C16orf87: variants seen among roughly 807,000 people sequenced by gnomAD.
C16orf87 encodes the protein HDAC and MIER1 interacting protein 1, also known as UPF0547 protein C16orf87.
Under a neutral mutation model 21.0 loss-of-function variants are expected in C16orf87, and 13 were observed. That is an observed-to-expected ratio of 0.62 (90% CI 0.40 to 0.98). C16orf87 has a LOEUF of 0.98. C16orf87 is among the 50% of genes least tolerant of loss of function. C16orf87 has a pLI of 0.00. For missense variants in C16orf87, 113 were observed against 180.4 expected, an observed-to-expected ratio of 0.63 and a Z score of 2.14; for synonymous variants, 49 against 60.2, an observed-to-expected ratio of 0.81 and a Z score of 0.86.
chr16:46,831,001 G>A (rs910818786), intron 1 of C16orf87, 83 bp downstream of exon 1: 10 of 1,143,360 alleles, frequency 8.7e-6, no homozygotes, highest in Non-Finnish European at 1.1e-5. Context: ...CTCGGCCTCC[G>A]GGAGCCCGGC....
chr16:46,805,448 G>T (rs1260814784), intron 3 of C16orf87, among the ~76,000 whole-genome samples: 1 of 151,944 alleles, frequency 6.6e-6, no homozygotes, highest in Non-Finnish European at 1.5e-5. Flanking sequence ...CTGGCTTTTT[G>T]ACCTCTGCAA....
At position 46,799,587 on chromosome 16, in the gene C16orf87, G is replaced by GT. The variant is rs1967713686; in HGVS notation, c.*3364_*3365insA. The GT allele has an allele frequency of 6.6e-6, 1 of 152,334 alleles. No homozygotes were observed. Among genetic ancestry groups the GT allele is most frequent in the African/African-American group, 2.4e-5 (1 of 41,584 alleles). 9.4% of individuals were successfully genotyped at this position (152,334 alleles called of 1,614,324 possible). A position where few individuals can be genotyped will look rare whatever the true frequency, so the allele number is the denominator to read the frequency against. Reference sequence around the variant, plus strand: ...AAAGAATGACGGACAAAATGTTTTAGAGAAGAACACAATTTGGCAGAATGA... The same window carrying GT: ...AAAGAATGACGGACAAAATGTTTTAGTAGAAGAACACAATTTGGCAGAATGA... On this transcript the variant is annotated 3_prime_UTR_variant, in exon 4 of 4. Coordinates refer to ENST00000285697, the MANE Select transcript of C16orf87 (RefSeq NM_001001436.4).
At chr16:46,806,255 ATTTTTTTTTTTT>A (rs765265445) in intron 3 of C16orf87, among the ~76,000 whole-genome samples, 1 of 125,792 alleles carries the variant, frequency 7.9e-6, no homozygotes, top group South Asian at 2.5e-4. Context: ...GTCTACATTC[ATTTTTTTTTTTT>A]TTTTTTTTTG....
intron 1 of C16orf87, among the ~76,000 whole-genome samples, chr16:46,830,300 G>GAC (rs1959798819): frequency 6.7e-6 from 1 of 148,472 alleles, no homozygotes; most frequent in Non-Finnish European, 1.5e-5. Flanking sequence ...GAGAGAGAGA[G>GAC]AGAGAGAGAC....
chr16:46,803,188 C>G (rs923428798), intron 3 of C16orf87, 118 bp from the exon 4 acceptor site: 8 of 472,458 alleles, frequency 1.7e-5, no homozygotes, highest in Non-Finnish European at 3.0e-5. Flanking sequence ...CTACAATATA[C>G]ATTAAATGTT....
At chr16:46,827,483 T>C (rs1959661834) in intron 1 of C16orf87, among the ~76,000 whole-genome samples, 1 of 152,214 alleles carries the variant, frequency 6.6e-6, no homozygotes, top group Non-Finnish European at 1.5e-5. Context: ...ATATTCAAAG[T>C]ATTGTTTACT....
In C16orf87 at chr16:46,820,345, G is replaced by A. The variant is rs540563257; in HGVS notation, c.163+4041C>T. Among the ~76,000 whole-genome samples the A allele has an allele frequency of 1.2e-4, 18 of 152,154 alleles. No homozygotes were observed. The East Asian group carries it at 3.5e-3, about 29-fold the overall frequency. On this transcript the variant is annotated intron_variant, in intron 2 of 3. Transcript: ENST00000285697. ...TTACTTATGCAAACAAGTCTTCCTT[G>A]ACTCTGTACTTGTTATATAGTTACC... is the stretch of plus-strand genomic sequence containing the variant.
chr16:46,824,034 T>C (rs552286221), intron 2 of C16orf87, among the ~76,000 whole-genome samples: 67 of 152,342 alleles, frequency 4.4e-4, no homozygotes, highest in Admixed American at 2.7e-3. Flanking sequence ...TATCAAACTG[T>C]GCACTTCAAA....
chr16:46,808,422 T>C (rs932497189), intron 3 of C16orf87, among the ~76,000 whole-genome samples: 8 of 152,230 alleles, frequency 5.3e-5, no homozygotes, highest in East Asian at 1.9e-4. Flanking sequence ...AGCAAACTGG[T>C]AGAATGGTCT....
rs1313035239 is a variant in C16orf87 at position 46,817,633 on chromosome 16, A to G, written c.163+6753T>C. Among the ~76,000 whole-genome samples the G allele has an allele frequency of 2.0e-5, 3 of 152,090 alleles. No homozygotes were observed. The East Asian group carries it at 5.8e-4, about 29-fold the overall frequency. ...AACCCGGGAGGTGGAGGTTGCAGTA[A>G]GCCGATATCAGGCCACTGCACTCCA... On this transcript the variant is annotated intron_variant, in intron 2 of 3. Coordinates refer to ENST00000285697, the MANE Select transcript of C16orf87 (RefSeq NM_001001436.4).
At chr16:46,829,343 T>G (rs557069514) in intron 1 of C16orf87, among the ~76,000 whole-genome samples, 15 of 152,296 alleles carry the variant, frequency 9.8e-5, no homozygotes, top group African/African-American at 3.4e-4. Context: ...GAATGTGATC[T>G]TTCCAAATAA....
At chr16:46,830,246 TAG>T (rs928825681) in intron 1 of C16orf87, among the ~76,000 whole-genome samples, 2 of 64,982 alleles carry the variant, frequency 3.1e-5, no homozygotes, top group Non-Finnish European at 6.8e-5. Context: ...GATAGAGAGA[TAG>T]AGAGATAGAG....
chr16:46,804,845 T>C (rs1293056654), intron 3 of C16orf87, among the ~76,000 whole-genome samples: 1 of 152,248 alleles, frequency 6.6e-6, no homozygotes, highest in Non-Finnish European at 1.5e-5. Flanking sequence ...TTCATATAAA[T>C]GGCATCATAT....
intron 2 of C16orf87, among the ~76,000 whole-genome samples, chr16:46,810,699 C>T (rs969331336): frequency 6.6e-6 from 1 of 152,176 alleles, no homozygotes; most frequent in East Asian, 1.9e-4. Context: ...GTAATATTAT[C>T]CCCAAACACC....
At chr16:46,830,916 C>T in intron 1 of C16orf87, 168 bp downstream of exon 1, 1 of 413,378 alleles carries the variant, frequency 2.4e-6, no homozygotes, top group Non-Finnish European at 4.2e-6. Context: ...GGGCTTTTCC[C>T]GGGAAACCCC....
intron 1 of C16orf87, 130 bp downstream of exon 1, chr16:46,830,954 C>T (rs1959834831): frequency 5.5e-6 from 3 of 550,426 alleles, no homozygotes; most frequent in South Asian, 4.2e-5. Flanking sequence ...GCCCCGGATC[C>T]CCGCCGCCGC....
chr16:46,804,523 G>A (rs879431893), intron 3 of C16orf87, among the ~76,000 whole-genome samples: 4 of 152,132 alleles, frequency 2.6e-5, no homozygotes, highest in Admixed American at 6.5e-5. Flanking sequence ...GTAGGTTTCC[G>A]CTTAGAACTG....
In C16orf87 at chr16:46,831,102, G is replaced by A; in HGVS notation, c.48C>T (p.Cys16=). 1 of 1,579,108 alleles carries A rather than the reference G, an allele frequency of 6.3e-7. No homozygotes were observed. The highest frequency in any genetic ancestry group is 8.6e-7 in the Non-Finnish European group (1 of 1,161,316). The change falls in exon 1 of 4, where the codon TGC becomes TGT. Residue 16 remains cysteine (C), a synonymous_variant. Transcript: ENST00000285697. ...CACCCACCTGTTGGTCGCACTCGGG[G>A]CATGATTTGGTGGCCATCTTCACTT... ...AKKVKMATKS[C]PECDQQVPVA... is the part of the protein sequence containing the mutation.
At chr16:46,817,978 G>T (rs1959261296) in intron 2 of C16orf87, among the ~76,000 whole-genome samples, 1 of 144,110 alleles carries the variant, frequency 6.9e-6, no homozygotes. Flanking sequence ...GTTCCATACA[G>T]GAATGTACAG....
Sources: gnomAD v4.1 joint callset for allele counts (sites outside exome capture counted in the v4.1 genomes callset) on GRCh38, gnomAD v4.1.1 for gene constraint, MANE v1.5 for transcripts, NCBI Gene and HGNC (gene_info 2026-07-23, HGNC 2026-07-21) for gene names.